MBD5: variants seen among roughly 807,000 people sequenced by gnomAD.
MBD5 encodes methyl-CpG binding domain protein 5, also known as methyl-CpG-binding domain protein 5.
In MBD5, 13 loss-of-function variants were observed where a neutral mutation model predicts 117.3. That is an observed-to-expected ratio of 0.11 (90% CI 0.07 to 0.18). The LOEUF is 0.18. MBD5 is among the 10% of genes least tolerant of loss of function. The pLI, the probability that MBD5 is intolerant of heterozygous loss-of-function variation, is 1.00. For missense variants in MBD5, 1,879 were observed against 2,093.8 expected, an observed-to-expected ratio of 0.90 and a Z score of 2.00; for synonymous variants, 727 against 766.4, an observed-to-expected ratio of 0.95 and a Z score of 0.85.
chr2:148,406,231 C>G (rs958706860), intron 4 of MBD5, among the ~76,000 whole-genome samples: 1 of 152,120 alleles, frequency 6.6e-6, no homozygotes, highest in Admixed American at 6.5e-5. Flanking sequence ...TGGCCATGTA[C>G]TTTTTTCTGG....
At chr2:148,123,882 A>C (rs1227474) in intron 1 of MBD5, among the ~76,000 whole-genome samples, 146,676 of 152,264 alleles carry the variant, frequency 0.96, 70,883 homozygotes, top group East Asian at 1. Context: ...AAGGATCAAA[A>C]AAGACAAAGG....
At chr2:148,343,886 G>A (rs1703016194) in intron 4 of MBD5, among the ~76,000 whole-genome samples, 1 of 151,972 alleles carries the variant, frequency 6.6e-6, no homozygotes, top group Admixed American at 6.6e-5. Flanking sequence ...CTTTCCTAAG[G>A]CCCATGTCCA....
intron 4 of MBD5, among the ~76,000 whole-genome samples, chr2:148,449,428 A>C (rs1015023037): frequency 6.6e-6 from 1 of 152,056 alleles, no homozygotes; most frequent in Non-Finnish European, 1.5e-5. Flanking sequence ...ACTGGATATT[A>C]TATGGGAGAA....
intron 2 of MBD5, among the ~76,000 whole-genome samples, chr2:148,206,190 G>A (rs754711279): frequency 1.8e-4 from 27 of 150,848 alleles, no homozygotes; most frequent in Admixed American, 6.0e-4. Flanking sequence ...ATATACACAC[G>A]CATATATATG....
chr2:148,313,485 C>T (rs995387996), intron 3 of MBD5, among the ~76,000 whole-genome samples: 1 of 152,102 alleles, frequency 6.6e-6, no homozygotes, highest in African/African-American at 2.4e-5. Flanking sequence ...GCAGACGCAC[C>T]TCCCTGCTCC....
rs1694186463 is a variant in MBD5, at chr2:148,036,027, C to T, written c.-925+14343C>T. On this transcript the variant is annotated intron_variant, in intron 1 of 13. Coordinates refer to ENST00000642680, the MANE Select transcript of MBD5 (RefSeq NM_001378120.1). ...TAACTTGGTAATATTTCATTTGGTA[C>T]AATAAAACAAATTCTATTTATAGTT... 9.2e-5 allele frequency among the ~76,000 whole-genome samples: 14 copies of T among 152,198 alleles called. No homozygotes were observed. In the South Asian group the frequency reaches 2.9e-3, roughly 32 times the overall value.
intron 4 of MBD5, among the ~76,000 whole-genome samples, chr2:148,370,290 A>G (rs762013880): frequency 2.6e-5 from 4 of 152,110 alleles, no homozygotes; most frequent in African/African-American, 9.7e-5. Context: ...ATATATTTAC[A>G]TTATATTTTC....
intron 3 of MBD5, among the ~76,000 whole-genome samples, chr2:148,308,521 T>C (rs1157983018): frequency 5.7e-5 from 5 of 87,788 alleles, no homozygotes; most frequent in African/African-American, 7.5e-5. Flanking sequence ...TTTTTTTTGA[T>C]GGGGTTAAGT....
At chr2:148,031,824 T>A (rs1166541163) in intron 1 of MBD5, among the ~76,000 whole-genome samples, 1 of 152,092 alleles carries the variant, frequency 6.6e-6, no homozygotes, top group Non-Finnish European at 1.5e-5. Flanking sequence ...CTTTCACAAA[T>A]AAATTTTTTA....
At chr2:148,501,771 AC>A (rs1428088331) in intron 11 of MBD5, among the ~76,000 whole-genome samples, 3 of 152,154 alleles carry the variant, frequency 2.0e-5, no homozygotes, top group Non-Finnish European at 2.9e-5. Flanking sequence ...CAAAGGACAC[AC>A]CCACAAGGCA....
intron 8 of MBD5, among the ~76,000 whole-genome samples, chr2:148,477,859 ATCAGTGTTT>A (rs1681021166): frequency 6.6e-6 from 1 of 152,204 alleles, no homozygotes; most frequent in African/African-American, 2.4e-5. Flanking sequence ...ATAGATAAAA[ATCAGTGTTT>A]GGACATATTA....
chr2:148,267,588 C>T (rs1700888031), intron 3 of MBD5, among the ~76,000 whole-genome samples: 1 of 152,080 alleles, frequency 6.6e-6, no homozygotes, highest in African/African-American at 2.4e-5. Flanking sequence ...CCCTTGCCTC[C>T]CTCTCCAGAG....
At chr2:148,030,527 A>G (rs1341555470) in intron 1 of MBD5, among the ~76,000 whole-genome samples, 1 of 152,180 alleles carries the variant, frequency 6.6e-6, no homozygotes, top group Non-Finnish European at 1.5e-5. Context: ...TACTATTTAT[A>G]CCATAAAGAC....
intron 3 of MBD5, chr2:148,244,134 G>T (rs1372755235): frequency 6.6e-6 from 1 of 151,488 alleles, no homozygotes; most frequent in Non-Finnish European, 1.5e-5. Flanking sequence ...GAATTAAACT[G>T]ATTTTATCTG....
chr2:148,089,351 C>T (rs1695878327), intron 1 of MBD5, among the ~76,000 whole-genome samples: 1 of 151,994 alleles, frequency 6.6e-6, no homozygotes, highest in Admixed American at 6.6e-5. Flanking sequence ...ATGGACTTAA[C>T]AGATATTTGC....
intron 1 of MBD5, among the ~76,000 whole-genome samples, chr2:148,052,463 G>A (rs530568013): frequency 6.6e-6 from 1 of 152,124 alleles, no homozygotes; most frequent in Non-Finnish European, 1.5e-5. Flanking sequence ...ACCTGCCTTG[G>A]CCTCCCAAAG....
chr2:148,309,686 T>C (rs1701981951), intron 3 of MBD5, among the ~76,000 whole-genome samples: 1 of 152,184 alleles, frequency 6.6e-6, no homozygotes, highest in African/African-American at 2.4e-5. Flanking sequence ...CTATATCGAA[T>C]TCAAATTCCT....
At chr2:148,101,602 CTA>C (rs894343901) in intron 1 of MBD5, among the ~76,000 whole-genome samples, 22 of 152,218 alleles carry the variant, frequency 1.4e-4, no homozygotes, top group African/African-American at 4.3e-4. Context: ...CTTTCAGAAA[CTA>C]TAGGGATTTC....
intron 4 of MBD5, among the ~76,000 whole-genome samples, chr2:148,371,942 A>G (rs990957391): frequency 1.3e-5 from 2 of 152,162 alleles, no homozygotes; most frequent in Admixed American, 6.5e-5. Flanking sequence ...AGCTTATATC[A>G]TATACATATG....
Sources: gnomAD v4.1 joint callset for allele counts (sites outside exome capture counted in the v4.1 genomes callset) on GRCh38, gnomAD v4.1.1 for gene constraint, MANE v1.5 for transcripts, NCBI Gene and HGNC (gene_info 2026-07-23, HGNC 2026-07-21) for gene names.